Variants in VPS41 observed in about 807,000 individuals in gnomAD.
The protein encoded by VPS41 is vacuolar protein sorting-associated protein 41 homolog.
A neutral mutation model predicts 130.9 loss-of-function variants in VPS41; 85 were observed. The observed-to-expected ratio is 0.65, with a 90% CI of 0.55 to 0.78. The LOEUF (loss-of-function observed/expected upper bound fraction) is 0.78, where lower values mean the gene tolerates loss of function less well. Ranked by LOEUF, VPS41 falls within the 30% of genes least tolerant of loss-of-function variation. The pLI, the probability that VPS41 is intolerant of heterozygous loss-of-function variation, is 0.00. For missense variants in VPS41, 874 were observed against 1,018.7 expected (o/e 0.86, Z 1.93); for synonymous variants, 335 against 332.9 (o/e 1.01, Z -0.07).
At chr7:38,838,260 G>A (rs1785537341) in intron 4 of VPS41, among the ~76,000 whole-genome samples, 1 of 152,038 alleles carries the variant, frequency 6.6e-6, no homozygotes, top group African/African-American at 2.4e-5. Context: ...TGGAAAGAGA[G>A]AAAGGGTACA....
chr7:38,785,118 A>C (rs1784417318), intron 10 of VPS41, among the ~76,000 whole-genome samples: 1 of 152,188 alleles, frequency 6.6e-6, no homozygotes, highest in African/African-American at 2.4e-5. Flanking sequence ...CTGGCCCCTT[A>C]GTCACCAGAT....
At chr7:38,856,274 G>A (rs766708483) in intron 4 of VPS41, among the ~76,000 whole-genome samples, 10 of 152,170 alleles carry the variant, frequency 6.6e-5, no homozygotes, top group African/African-American at 9.6e-5. Flanking sequence ...CCCTCCTGTC[G>A]TAGCCTCCTG....
chr7:38,759,170 T>C (rs1174284634), intron 17 of VPS41, among the ~76,000 whole-genome samples: 2 of 152,262 alleles, frequency 1.3e-5, no homozygotes, highest in East Asian at 3.8e-4. Context: ...GTGATTGGTA[T>C]GTCTGAAGTG....
intron 28 of VPS41, 35 bp from the exon 29 acceptor site, chr7:38,726,361 A>T (rs746965520): frequency 5.2e-6 from 8 of 1,533,650 alleles, no homozygotes; most frequent in African/African-American, 1.4e-5. Flanking sequence ...TATTTAAAAA[A>T]TGATCTTCTT....
chr7:38,807,712 C>T (rs773720461), intron 7 of VPS41, among the ~76,000 whole-genome samples: 18 of 152,282 alleles, frequency 1.2e-4, no homozygotes, highest in Admixed American at 3.9e-4. Context: ...GTTTGTACCA[C>T]GACACCAACT....
intron 4 of VPS41, among the ~76,000 whole-genome samples, chr7:38,856,047 A>G (rs1785975649): frequency 6.6e-6 from 1 of 152,080 alleles, no homozygotes. Flanking sequence ...GTGTCCTTAT[A>G]TGGCCGGCAG....
intron 10 of VPS41, among the ~76,000 whole-genome samples, chr7:38,783,226 G>T (rs1784384312): frequency 6.6e-6 from 1 of 152,012 alleles, no homozygotes; most frequent in African/African-American, 2.4e-5. Flanking sequence ...AAAGGAGATT[G>T]TGAGTCTGAA....
intron 17 of VPS41, among the ~76,000 whole-genome samples, chr7:38,760,448 A>C (rs1183759504): frequency 6.6e-6 from 1 of 152,180 alleles, no homozygotes; most frequent in South Asian, 2.1e-4. Flanking sequence ...AGATGAATGC[A>C]TAATTGACTT....
intron 4 of VPS41, among the ~76,000 whole-genome samples, chr7:38,858,426 A>G (rs1786030961): frequency 6.6e-6 from 1 of 152,194 alleles, no homozygotes; most frequent in African/African-American, 2.4e-5. Flanking sequence ...CAAAAAGAAG[A>G]GAATATAATG....
At chr7:38,821,036 A>G (rs1785161212) in intron 6 of VPS41, among the ~76,000 whole-genome samples, 167 bp downstream of exon 6, 1 of 152,180 alleles carries the variant, frequency 6.6e-6, no homozygotes, top group Non-Finnish European at 1.5e-5. Context: ...CAAAATACAC[A>G]TTCTGTCTTC....
At chr7:38,763,339 A>G in intron 17 of VPS41, 116 bp downstream of exon 17, 1 of 593,264 alleles carries the variant, frequency 1.7e-6, no homozygotes, top group Non-Finnish European at 2.7e-6. Context: ...TTCACCTGCC[A>G]CATGCAAACT....
intron 25 of VPS41, among the ~76,000 whole-genome samples, chr7:38,738,182 G>C (rs181035399): frequency 3.3e-5 from 5 of 152,256 alleles, no homozygotes; most frequent in Admixed American, 1.3e-4. Flanking sequence ...CTTTTCCCAA[G>C]AGGTGTTACC....
At chr7:38,802,222 G>GAAAT (rs1462893820) in intron 7 of VPS41, among the ~76,000 whole-genome samples, 2 of 152,154 alleles carry the variant, frequency 1.3e-5, no homozygotes, top group African/African-American at 4.8e-5. Flanking sequence ...GGCCTGAACG[G>GAAAT]TAATTTCTGA....
chr7:38,833,205 A>G (rs186988917), intron 4 of VPS41, among the ~76,000 whole-genome samples: 1 of 152,168 alleles, frequency 6.6e-6, no homozygotes, highest in Non-Finnish European at 1.5e-5. Context: ...CTGGTCCATC[A>G]TTCTCATATG....
At chr7:38,847,140 C>A (rs1473956637) in intron 4 of VPS41, among the ~76,000 whole-genome samples, 1 of 152,230 alleles carries the variant, frequency 6.6e-6, no homozygotes, top group Admixed American at 6.5e-5. Flanking sequence ...TCAGTGCTGT[C>A]TGTGGAGCCA....
chr7:38,732,435 T>C (rs2115566254), intron 25 of VPS41, among the ~76,000 whole-genome samples: 1 of 152,338 alleles, frequency 6.6e-6, no homozygotes, highest in African/African-American at 2.4e-5. Context: ...CTAATAAAAA[T>C]ATCTTCCCTC....
In VPS41 at chr7:38,836,022, A is replaced by C. The variant is rs556282882; in HGVS notation, c.247-5694T>G. Reference sequence around the variant, plus strand: ...GCTTTTTACTGTGTATTTTGCTCACATTTTTATTTTTCACTTTCTCATTTT... The same window carrying C: ...GCTTTTTACTGTGTATTTTGCTCACCTTTTTATTTTTCACTTTCTCATTTT... On this transcript the variant is annotated intron_variant, in intron 4 of 28. Transcript: ENST00000310301. 4.6e-5 allele frequency among the ~76,000 whole-genome samples: 7 copies of C among 152,020 alleles called. No homozygotes were observed. In the South Asian group the frequency reaches 1.5e-3, roughly 32 times the overall value.
intron 16 of VPS41, among the ~76,000 whole-genome samples, chr7:38,764,903 G>A (rs1050266442): frequency 6.6e-6 from 1 of 152,032 alleles, no homozygotes; most frequent in Admixed American, 6.5e-5. Flanking sequence ...AGGCACGACT[G>A]GATAAAATCC....
At chr7:38,782,721 G>A (rs2115903685) in intron 10 of VPS41, among the ~76,000 whole-genome samples, 1 of 152,292 alleles carries the variant, frequency 6.6e-6, no homozygotes, top group South Asian at 2.1e-4. Flanking sequence ...CACACCATCA[G>A]TTGCATAATG....
Sources: gnomAD v4.1 joint callset for allele counts (sites outside exome capture counted in the v4.1 genomes callset) on GRCh38, gnomAD v4.1.1 for gene constraint, MANE v1.5 for transcripts, NCBI Gene and HGNC (gene_info 2026-07-23, HGNC 2026-07-21) for gene names.